The following PPM1L variants were observed in gnomAD, a reference collection of about 807,000 sequenced individuals.
PPM1L encodes protein phosphatase, Mg2+/Mn2+ dependent 1L, also known as protein phosphatase 1L.
A neutral mutation model predicts 31.4 loss-of-function variants in PPM1L; 13 were observed. That is an observed-to-expected ratio of 0.41 (90% CI 0.27 to 0.66). The LOEUF (loss-of-function observed/expected upper bound fraction) is 0.66, where lower values mean the gene tolerates loss of function less well. Ranked by LOEUF, PPM1L falls within the 30% of genes least tolerant of loss-of-function variation. PPM1L has a pLI of 0.29. For synonymous variants in PPM1L, 184 were observed against 175.4 expected, an observed-to-expected ratio of 1.05 and a Z score of -0.39; for missense variants, 326 against 453.7, an observed-to-expected ratio of 0.72 and a Z score of 2.56.
intron 2 of PPM1L, among the ~76,000 whole-genome samples, chr3:161,013,925 T>G (rs1313123929): frequency 2.0e-5 from 3 of 152,230 alleles, no homozygotes; most frequent in Non-Finnish European, 4.4e-5. Flanking sequence ...TCTCTGCACA[T>G]GAAATGGGTC....
chr3:160,942,857 T>A (rs1715206151), intron 1 of PPM1L, among the ~76,000 whole-genome samples: 1 of 152,142 alleles, frequency 6.6e-6, no homozygotes, highest in South Asian at 2.1e-4. Context: ...AGTATATAAA[T>A]CTAAAGGGAA....
At chr3:161,042,086 C>T (rs1383634461) in intron 2 of PPM1L, among the ~76,000 whole-genome samples, 1 of 152,216 alleles carries the variant, frequency 6.6e-6, no homozygotes, top group Non-Finnish European at 1.5e-5. Flanking sequence ...CCTTGGCTAA[C>T]TCCCCATTCA....
At chr3:160,873,720 G>A (rs1332726289) in intron 1 of PPM1L, among the ~76,000 whole-genome samples, 1 of 151,976 alleles carries the variant, frequency 6.6e-6, no homozygotes, top group Non-Finnish European at 1.5e-5. Flanking sequence ...GCTAATTTTT[G>A]TATTTTTGTA....
intron 1 of PPM1L, among the ~76,000 whole-genome samples, chr3:160,875,081 AT>A (rs1163481297): frequency 6.6e-6 from 1 of 152,174 alleles, no homozygotes; most frequent in Non-Finnish European, 1.5e-5. Flanking sequence ...CTTTGCATTC[AT>A]TTTGCATATA....
At chr3:160,762,786 C>G (rs1715002562) in intron 1 of PPM1L, among the ~76,000 whole-genome samples, 2 of 152,140 alleles carry the variant, frequency 1.3e-5, no homozygotes, top group Non-Finnish European at 2.9e-5. Flanking sequence ...AATGCAGGCA[C>G]CGTTGGAAGA....
chr3:160,959,255 CA>C (rs149649572), intron 1 of PPM1L, among the ~76,000 whole-genome samples: 2,157 of 141,914 alleles, frequency 0.015, 47 homozygotes, highest in African/African-American at 0.051. Flanking sequence ...TATGAGGATG[CA>C]AAGGCATAAG....
intron 1 of PPM1L, among the ~76,000 whole-genome samples, chr3:160,835,024 A>T (rs1443329443): frequency 7.9e-6 from 1 of 127,074 alleles, no homozygotes; most frequent in East Asian, 2.4e-4. Context: ...TACTACTACT[A>T]CTATTACTAC....
chr3:161,045,842 T>C (rs1719044112), intron 2 of PPM1L, among the ~76,000 whole-genome samples: 1 of 152,066 alleles, frequency 6.6e-6, no homozygotes, highest in South Asian at 2.1e-4. Flanking sequence ...CCAGGCGTGG[T>C]GGCTCATGCC....
In PPM1L at chr3:161,008,134, A is replaced by G. The variant is rs547344433; in HGVS notation, c.574+46224A>G. On this transcript the variant is annotated intron_variant, in intron 2 of 3. Transcript: ENST00000498165. The stretch of plus-strand genomic sequence containing the variant: ...TTTCCCCAAAGCTAACCATAAAACC[A>G]TAAGTATTTTTAAATATTACTCTAA... 5.6e-4 allele frequency among the ~76,000 whole-genome samples: 86 copies of G among 152,280 alleles called. No homozygotes were observed. In the South Asian group the frequency reaches 0.013, roughly 23 times the overall value.
chr3:160,891,399 T>C (rs1713134331), intron 1 of PPM1L, among the ~76,000 whole-genome samples: 1 of 152,070 alleles, frequency 6.6e-6, no homozygotes, highest in Admixed American at 6.5e-5. Flanking sequence ...GAAAAAAAGC[T>C]CAGCATCACT....
intron 1 of PPM1L, among the ~76,000 whole-genome samples, chr3:160,897,773 TA>T (rs1391731183): frequency 1.3e-5 from 2 of 152,256 alleles, no homozygotes; most frequent in African/African-American, 2.4e-5. Flanking sequence ...ATAGCAGAGC[TA>T]AAAGCTCCAG....
At chr3:160,932,941 G>T (rs1441857958) in intron 1 of PPM1L, among the ~76,000 whole-genome samples, 3 of 152,146 alleles carry the variant, frequency 2.0e-5, no homozygotes, top group South Asian at 2.1e-4. Context: ...ACACTGCCAG[G>T]TGTTATGGTA....
At chr3:160,799,047 T>G (rs1375524218) in intron 1 of PPM1L, among the ~76,000 whole-genome samples, 1 of 152,204 alleles carries the variant, frequency 6.6e-6, no homozygotes, top group African/African-American at 2.4e-5. Context: ...TTCTGTAATA[T>G]TATGATCAAA....
intron 1 of PPM1L, among the ~76,000 whole-genome samples, chr3:160,779,247 A>G (rs148327015): frequency 6.6e-6 from 1 of 152,312 alleles, no homozygotes; most frequent in East Asian, 1.9e-4. Context: ...TGGAGAAGCT[A>G]GGTGTCAGTT....
chr3:160,877,632 C>G (rs6801444), intron 1 of PPM1L, among the ~76,000 whole-genome samples: 40,300 of 151,942 alleles, frequency 0.27, 5,645 homozygotes, highest in East Asian at 0.51. Flanking sequence ...GAGAACAGCT[C>G]TCTCTCCTAC....
At chr3:161,012,853 C>T (rs1049704532) in intron 2 of PPM1L, among the ~76,000 whole-genome samples, 19 of 152,190 alleles carry the variant, frequency 1.2e-4, no homozygotes, top group South Asian at 8.3e-4. Flanking sequence ...TCTGTGGGAT[C>T]GGTGGTGATA....
intron 1 of PPM1L, among the ~76,000 whole-genome samples, chr3:160,825,450 A>G (rs1713327365): frequency 1.3e-5 from 2 of 152,124 alleles, no homozygotes; most frequent in Admixed American, 6.6e-5. Context: ...GCTCACTTGC[A>G]TTGATTGCTT....
intron 1 of PPM1L, among the ~76,000 whole-genome samples, chr3:160,897,050 T>G (rs1713358462): frequency 6.7e-6 from 1 of 149,806 alleles, no homozygotes; most frequent in African/African-American, 2.5e-5. Flanking sequence ...CTCTTTTTTT[T>G]TTTTTTTTTT....
At chr3:160,946,381 A>G (rs979661714) in intron 1 of PPM1L, among the ~76,000 whole-genome samples, 4 of 152,194 alleles carry the variant, frequency 2.6e-5, no homozygotes, top group African/African-American at 4.8e-5. Context: ...TACCTGGTAC[A>G]TAGTAAATAC....
Sources: gnomAD v4.1 joint callset for allele counts (sites outside exome capture counted in the v4.1 genomes callset) on GRCh38, gnomAD v4.1.1 for gene constraint, MANE v1.5 for transcripts, NCBI Gene and HGNC (gene_info 2026-07-23, HGNC 2026-07-21) for gene names.